SPATA6L: variants seen among roughly 807,000 people sequenced by gnomAD.
SPATA6L encodes spermatogenesis associated 6 like, also known as spermatogenesis associated 6-like protein.
Under a neutral mutation model 49.2 loss-of-function variants are expected in SPATA6L, and 68 were observed. The observed-to-expected ratio is 1.38, with a 90% CI of 1.14 to 1.69. The LOEUF is 1.69. Among genes scored for constraint, SPATA6L ranks in the 40% most tolerant of loss-of-function variants. The pLI, the probability that SPATA6L is intolerant of heterozygous loss-of-function variation, is 0.00. For missense variants in SPATA6L, 668 were observed against 464.3 expected, an observed-to-expected ratio of 1.44 and a Z score of -4.03; for synonymous variants, 198 against 165.7, an observed-to-expected ratio of 1.19 and a Z score of -1.50.
downstream of SPATA6L, among the ~76,000 whole-genome samples, chr9:4,597,406 G>C (rs1419787684): frequency 6.6e-6 from 1 of 150,938 alleles, no homozygotes; most frequent in Admixed American, 6.6e-5. Flanking sequence ...GGAGCTAATG[G>C]ATCACTCTAA....
Position 4,663,424 on chromosome 9 carries a change from C to T in SPATA6L, c.40-1388G>A, listed in dbSNP as rs1446512624. On this transcript the variant is annotated intron_variant, in intron 1 of 11. Coordinates refer to ENST00000682582, the MANE Select transcript of SPATA6L (RefSeq NM_001353486.2). ...CTTGATGTGCTGCTAGGCTGGAGCA[C>T]ACACTGGCCATTACTGAACACAGCC... 3 of 775,738 alleles carry T rather than the reference C, an allele frequency of 3.9e-6. No homozygotes were observed. In the African/African-American group the frequency reaches 5.2e-5, roughly 13 times the overall value. The allele number at this position is 775,738 out of a possible 1,614,324, so 48.1% of individuals were successfully genotyped here. A position where few individuals can be genotyped will look rare whatever the true frequency, so the allele number is the denominator to read the frequency against.
chr9:4,601,081 T>C (rs562330462), intron 11 of SPATA6L, among the ~76,000 whole-genome samples: 1 of 152,316 alleles, frequency 6.6e-6, no homozygotes, highest in Admixed American at 6.5e-5. Flanking sequence ...AGTGAAGAGT[T>C]AGCATTGCTA....
At chr9:4,640,731 C>T (rs927366687) in intron 3 of SPATA6L, among the ~76,000 whole-genome samples, 1 of 152,082 alleles carries the variant, frequency 6.6e-6, no homozygotes, top group Non-Finnish European at 1.5e-5. Flanking sequence ...ATTAATGGAT[C>T]AAACTGTACT....
intron 3 of SPATA6L, among the ~76,000 whole-genome samples, chr9:4,638,682 A>C (rs140894015): frequency 6.6e-6 from 1 of 152,282 alleles, no homozygotes; most frequent in African/African-American, 2.4e-5. Context: ...ACAACCTGCA[A>C]ATGGAAAGTG....
chr9:4,616,873 C>T (rs1026822775), intron 9 of SPATA6L, among the ~76,000 whole-genome samples: 1 of 152,158 alleles, frequency 6.6e-6, no homozygotes, highest in African/African-American at 2.4e-5. Flanking sequence ...GCATGAGCCA[C>T]CGTGCCCAGC....
rs534969236 is a variant in SPATA6L at position 4,626,295 on chromosome 9, G to A, written c.430-729C>T. On this transcript the variant is annotated intron_variant, in intron 5 of 11. Coordinates refer to ENST00000682582, the MANE Select transcript of SPATA6L (RefSeq NM_001353486.2). ...ATTGCACTCCTCCAGACATATCAGC[G>A]GCAGCTGACCAGAGCCCCCTGTTCA... The A allele has an allele frequency of 3.5e-5, 36 of 1,036,658 alleles. No homozygotes were observed. In the East Asian group the frequency reaches 1.0e-3, roughly 30 times the overall value. 64.2% of individuals were successfully genotyped at this position (1,036,658 alleles called of 1,614,324 possible). A position where few individuals can be genotyped will look rare whatever the true frequency, so the allele number is the denominator to read the frequency against.
chr9:4,596,839 A>C (rs192760155), downstream of SPATA6L, among the ~76,000 whole-genome samples: 29 of 152,306 alleles, frequency 1.9e-4, 1 homozygote, highest in East Asian at 5.2e-3. Context: ...TGAGGTTTGG[A>C]AACAAGACAG....
At chr9:4,639,238 G>A (rs1833520061) in intron 3 of SPATA6L, among the ~76,000 whole-genome samples, 1 of 152,096 alleles carries the variant, frequency 6.6e-6, no homozygotes. Flanking sequence ...TGTTCCTACT[G>A]GGAACAAACA....
intron 7 of SPATA6L, among the ~76,000 whole-genome samples, chr9:4,621,067 C>A (rs1165645460): frequency 6.6e-6 from 1 of 152,282 alleles, no homozygotes; most frequent in African/African-American, 2.4e-5. Context: ...AAATGTAAAC[C>A]TTTAAGCCTA....
intron 3 of SPATA6L, among the ~76,000 whole-genome samples, chr9:4,642,898 A>G (rs540410765): frequency 6.8e-4 from 104 of 152,368 alleles, no homozygotes; most frequent in African/African-American, 2.3e-3. Context: ...GGAAAGAAAG[A>G]AAACAAATCA....
chr9:4,617,264 T>C (rs1454396424), intron 9 of SPATA6L: 1 of 152,204 alleles, frequency 6.6e-6, no homozygotes, highest in Non-Finnish European at 1.5e-5. Context: ...AATGATCTTA[T>C]AAATATTATT....
chr9:4,605,640 T>A (rs1168136084), intron 9 of SPATA6L, among the ~76,000 whole-genome samples, 200 bp from the exon 10 acceptor site: 1 of 152,242 alleles, frequency 6.6e-6, no homozygotes. Context: ...ACTGCTCAGA[T>A]GTTAAGAATT....
chr9:4,632,644 T>C (rs368605925), intron 4 of SPATA6L, among the ~76,000 whole-genome samples: 5 of 152,070 alleles, frequency 3.3e-5, no homozygotes, highest in African/African-American at 1.2e-4. Context: ...TTAAACACTT[T>C]TGAGGATTTG....
intron 3 of SPATA6L, among the ~76,000 whole-genome samples, chr9:4,644,295 G>T (rs919363021): frequency 6.7e-6 from 1 of 150,076 alleles, no homozygotes; most frequent in South Asian, 2.1e-4. Flanking sequence ...AAGCCCAGGA[G>T]GTCATACCAC....
intron 3 of SPATA6L, among the ~76,000 whole-genome samples, chr9:4,644,922 T>C (rs1835011539): frequency 6.6e-6 from 1 of 152,170 alleles, no homozygotes; most frequent in Non-Finnish European, 1.5e-5. Context: ...GTCACAGACT[T>C]TCTGTAAAGG....
chr9:4,618,051 A>C lies in SPATA6L; in HGVS notation c.867T>G (p.Asp289Glu). The C allele has an allele frequency of 6.2e-7, 1 of 1,614,068 alleles. No individual in the cohort carries two copies. The highest frequency in any genetic ancestry group is 8.5e-7 in the Non-Finnish European group (1 of 1,179,984). ...ATGAAGACTTTCCAAACTGACTTGAATCTAAACATGATGATGAGTCACTCC... is the reference window on the plus strand; with the variant it reads ...ATGAAGACTTTCCAAACTGACTTGACTCTAAACATGATGATGAGTCACTCC... ...VLRSDSSSCL[D>E]SSQFGKSSSS... The change falls in exon 9 of 12, where the codon GAT (aspartate) becomes GAG (glutamate). Residue 289 changes from aspartate (D) to glutamate (E), a missense_variant. Transcript: ENST00000682582.
intron 4 of SPATA6L, among the ~76,000 whole-genome samples, chr9:4,631,398 T>C (rs911439400): frequency 5.9e-5 from 9 of 152,096 alleles, no homozygotes; most frequent in Non-Finnish European, 1.0e-4. Flanking sequence ...CATTGCCTCA[T>C]AGGAAAACAG....
chr9:4,660,507 C>A (rs936960314), intron 2 of SPATA6L, among the ~76,000 whole-genome samples: 3 of 152,050 alleles, frequency 2.0e-5, no homozygotes, highest in African/African-American at 7.2e-5. Context: ...GTTAGAATGG[C>A]GATCATTAAA....
In SPATA6L at chr9:4,609,596, C is replaced by T. The variant is rs562837823; in HGVS notation, c.996-4156G>A. On this transcript the variant is annotated intron_variant, in intron 9 of 11. Transcript: ENST00000682582. ...AAAGGCCTTTGACAAAATTCAACAA[C>T]ACTTCATGCTAAAAACTCTCAATAA... is the stretch of plus-strand genomic sequence containing the variant. 9.1e-3 allele frequency among the ~76,000 whole-genome samples: 1,384 copies of T among 151,532 alleles called. 26 individuals carry two copies. Among genetic ancestry groups the T allele is most frequent in the African/African-American group, 0.033 (1,335 of 40,874 alleles).
Sources: allele counts gnomAD v4.1 joint callset (sites outside exome capture counted in the v4.1 genomes callset), GRCh38; gene constraint gnomAD v4.1.1; transcripts MANE v1.5; gene names NCBI Gene and HGNC (gene_info 2026-07-23, HGNC 2026-07-21).